ZNF232: variants seen among roughly 807,000 people sequenced by gnomAD.
ZNF232 encodes the protein zinc finger protein 232, also known as zinc finger and SCAN domain-containing protein 11.
A neutral mutation model predicts 25.2 loss-of-function variants in ZNF232; 25 were observed. The observed-to-expected ratio is 0.99, with a 90% CI of 0.72 to 1.39. The LOEUF (loss-of-function observed/expected upper bound fraction) is 1.39. Among genes scored for constraint, ZNF232 ranks in the 40% most tolerant of loss-of-function variants. The probability of loss-of-function intolerance (pLI) is 0.00; values close to 1 mark genes in which losing one functional copy is unlikely to be tolerated. For missense variants in ZNF232, 519 were observed against 520.9 expected (o/e 1.00, Z 0.04); for synonymous variants, 193 against 182.9 (o/e 1.06, Z -0.45).
chr17:5,120,489 G>A (rs1417821645), intron 1 of ZNF232: 2 of 324,534 alleles, frequency 6.2e-6, no homozygotes, highest in Non-Finnish European at 1.2e-5. Flanking sequence ...CCTTCAGGGT[G>A]AGGAGCTGTT....
chr17:5,117,726 G>A (rs1208617113), intron 1 of ZNF232, among the ~76,000 whole-genome samples: 1 of 152,090 alleles, frequency 6.6e-6, no homozygotes, highest in Admixed American at 6.5e-5. Flanking sequence ...TTGGAATCAG[G>A]GAGGCATGTT....
intron 3 of ZNF232, among the ~76,000 whole-genome samples, chr17:5,108,584 G>A (rs1483903120): frequency 6.6e-6 from 1 of 151,754 alleles, no homozygotes; most frequent in Non-Finnish European, 1.5e-5. Context: ...TAGACTAGGA[G>A]TTAAGTGCAG....
chr17:5,112,826 G>A (rs2072450529), upstream of ZNF232, among the ~76,000 whole-genome samples: 7 of 151,812 alleles, frequency 4.6e-5, no homozygotes, highest in South Asian at 1.5e-3. Flanking sequence ...TTAGCTGGGC[G>A]TGGTGGCGGG....
At chr17:5,108,853 T>A (rs2072324702) in intron 3 of ZNF232, 73 bp downstream of exon 3, 1 of 1,605,550 alleles carries the variant, frequency 6.2e-7, no homozygotes, top group Admixed American at 1.7e-5. Flanking sequence ...ATTTACCCTT[T>A]ACAGGTACTA....
At chr17:5,107,157 G>A (rs1384030757) in intron 3 of ZNF232, among the ~76,000 whole-genome samples, 1 of 151,542 alleles carries the variant, frequency 6.6e-6, no homozygotes, top group East Asian at 2.0e-4. Flanking sequence ...GGGAGGCCAG[G>A]GCGGGTGGAT....
chr17:5,111,813 G>A (rs1231910571), exon 1 of ZNF232: 4 of 1,613,886 alleles, frequency 2.5e-6, no homozygotes, highest in East Asian at 2.2e-5. Flanking sequence ...ACAGGACCAG[G>A]AGGTTCCATC....
intron 1 of ZNF232, among the ~76,000 whole-genome samples, chr17:5,121,905 T>C (rs754120944): frequency 6.6e-6 from 1 of 152,150 alleles, no homozygotes; most frequent in Non-Finnish European, 1.5e-5. Context: ...GGCTGGAGTC[T>C]GATTGAGGAG....
At chr17:5,110,458 TG>T (rs2072375564) in intron 1 of ZNF232, among the ~76,000 whole-genome samples, 1 of 152,170 alleles carries the variant, frequency 6.6e-6, no homozygotes, top group Admixed American at 6.5e-5. Context: ...AAATGACTAT[TG>T]GAAGAAATAA....
At chr17:5,114,570 C>G (rs1395733562), upstream of ZNF232, 1 of 152,600 alleles carries the variant, frequency 6.6e-6, no homozygotes, top group East Asian at 1.9e-4. Flanking sequence ...TGGCTCACGC[C>G]TGTAATCCCA....
chr17:5,119,093 A>G lies in ZNF232; in HGVS notation c.-530+3884T>C, dbSNP rs116456244. 7.4e-3 allele frequency among the ~76,000 whole-genome samples: 1,122 copies of G among 152,264 alleles called. 21 individuals are homozygous for G. Among genetic ancestry groups the G allele is most frequent in the African/African-American group, 0.025 (1,038 of 41,532 alleles). On this transcript the variant is annotated intron_variant, in intron 1 of 4. Transcript: ENST00000250076. The stretch of plus-strand genomic sequence containing the variant: ...TTTCTCAACTTCATGTCCTGCCTCT[A>G]TCACTATCAAGTATTTATATGAAGA...
At chr17:5,111,919 C>T (rs2072425085), upstream of ZNF232, 5 of 1,522,562 alleles carry the variant, frequency 3.3e-6, no homozygotes, top group Admixed American at 2.1e-5. Flanking sequence ...CTCCCAGAAT[C>T]CTCCTCGCCG....
chr17:5,112,889 G>T (rs745932093), upstream of ZNF232, among the ~76,000 whole-genome samples: 6 of 151,962 alleles, frequency 3.9e-5, no homozygotes, highest in Admixed American at 6.6e-5. Flanking sequence ...AACCCGGGAG[G>T]CAGAGGTTGC....
At chr17:5,120,849 C>T in intron 1 of ZNF232, 5 of 454,274 alleles carry the variant, frequency 1.1e-5, no homozygotes, top group South Asian at 7.8e-5. Flanking sequence ...CATGCTGGTG[C>T]AGCTGGAACG....
rs145373450 is a variant in ZNF232, at chr17:5,118,892, G to A, written c.-530+4085C>T. Among the ~76,000 whole-genome samples the A allele has an allele frequency of 2.1e-4, 32 of 152,342 alleles. No individual in the cohort carries two copies. In the East Asian group the frequency reaches 5.8e-3, roughly 28 times the overall value. On this transcript the variant is annotated intron_variant, in intron 1 of 4. Coordinates refer to the ZNF232 transcript ENST00000250076. ...ATAGGCACAGGATGAGGGTGGGGCA[G>A]CCATAGGTATTTTTGGAAAAGGCAA...
intron 1 of ZNF232, chr17:5,118,141 T>C (rs1018147324): frequency 2.0e-5 from 3 of 152,202 alleles, no homozygotes; most frequent in Admixed American, 6.5e-5. Context: ...TATTCTACCA[T>C]AGTCATGTGC....
rs144650452 is a variant in ZNF232, at chr17:5,111,623, T to TGACGC, written c.23+172_23+176dup. 2.4e-3 allele frequency: 2,083 copies of TGACGC among 879,284 alleles called. 37 individuals are homozygous for TGACGC. The African/African-American group carries it at 0.031, about 13-fold the overall frequency. The allele number at this position is 879,284 out of a possible 1,614,324, so 54.5% of individuals were successfully genotyped here. The stretch of plus-strand genomic sequence containing the variant: ...CATCAAGACCCCCCTCCACGGCACG[T>TGACGC]GACGCGACGCAACGCAGGTAGCGCA... On this transcript the variant is annotated intron_variant, in intron 1 of 3. Coordinates refer to ENST00000575898, the Ensembl canonical transcript of ZNF232.
intron 3 of ZNF232, chr17:5,108,715 A>C: frequency 9.6e-6 from 6 of 624,298 alleles, no homozygotes; most frequent in Non-Finnish European, 1.5e-5. Flanking sequence ...CTTAATCCTC[A>C]GAGCTATCTT....
chr17:5,108,464 T>A (rs780981386), intron 3 of ZNF232, among the ~76,000 whole-genome samples: 3 of 151,816 alleles, frequency 2.0e-5, no homozygotes, highest in Non-Finnish European at 4.4e-5. Flanking sequence ...ACAGGCTGTA[T>A]CTCACATAGG....
At chr17:5,109,226 T>G (rs1384579241) in intron 2 of ZNF232, 168 bp downstream of exon 2, 1 of 1,227,436 alleles carries the variant, frequency 8.1e-7, no homozygotes, top group Non-Finnish European at 1.2e-6. Flanking sequence ...AGAGTCTCTT[T>G]CTCATTCAGG....
Sources: gnomAD v4.1 joint callset for allele counts (sites outside exome capture counted in the v4.1 genomes callset) on GRCh38, gnomAD v4.1.1 for gene constraint, MANE v1.5 for transcripts, NCBI Gene and HGNC (gene_info 2026-07-23, HGNC 2026-07-21) for gene names.